The following PPM1L variants were observed in gnomAD, a reference collection of about 807,000 sequenced individuals.
PPM1L encodes protein phosphatase 1L.
PPM1L carries 13 observed loss-of-function variants against 31.4 expected under a neutral mutation model. The observed-to-expected ratio is 0.41, with a 90% CI of 0.27 to 0.66. PPM1L has a LOEUF of 0.66. Among genes scored for constraint, PPM1L ranks in the 30% least tolerant of loss-of-function variants. The pLI is 0.29. For synonymous variants in PPM1L, 184 were observed against 175.4 expected (o/e 1.05, Z -0.39); for missense variants, 326 against 453.7 (o/e 0.72, Z 2.56).
At position 160,809,168 on chromosome 3, in the gene PPM1L, A is replaced by AT. The variant is rs894669699; in HGVS notation, c.399+52470dup. On this transcript the variant is annotated intron_variant, in intron 1 of 3. Transcript: ENST00000498165. ...TTCTGATCTAATTCTGGCAAAATATATTTTTTTTTCTTGAATTGCTTAGAT... is the reference window on the plus strand; with the variant it reads ...TTCTGATCTAATTCTGGCAAAATATATTTTTTTTTTCTTGAATTGCTTAGAT... Among the ~76,000 whole-genome samples the AT allele has an allele frequency of 1.7e-3, 251 of 151,388 alleles. 1 individual carries two copies. The highest frequency in any genetic ancestry group is 5.6e-3 in the African/African-American group (231 of 41,266).
chr3:160,909,230 A>G (rs1185861130), intron 1 of PPM1L, among the ~76,000 whole-genome samples: 2 of 152,180 alleles, frequency 1.3e-5, no homozygotes, highest in African/African-American at 2.4e-5. Flanking sequence ...AGGAATGAGG[A>G]GGAATTTGCA....
Position 161,071,781 on chromosome 3 carries a change from C to A in PPM1L, c.*2624C>A, listed in dbSNP as rs1477117879. The A allele has an allele frequency of 6.6e-6, 1 of 152,168 alleles. No individual in the cohort carries two copies. The highest frequency in any genetic ancestry group is 6.5e-5 in the Admixed American group (1 of 15,274). 9.4% of individuals were successfully genotyped at this position (152,168 alleles called of 1,614,324 possible). On this transcript the variant is annotated 3_prime_UTR_variant, in exon 4 of 4. Coordinates refer to ENST00000498165, the MANE Select transcript of PPM1L (RefSeq NM_139245.4). ...TGTGCAGACATCACTCCTGGGGGTG[C>A]CCTATGGTACACTGGCTGCTCCCCA...
chr3:161,074,657 T>C lies in PPM1L; in HGVS notation c.*5500T>C, dbSNP rs960748199. 3.3e-5 allele frequency: 5 copies of C among 152,304 alleles called. No homozygotes were observed. Among genetic ancestry groups the C allele is most frequent in the African/African-American group, 7.2e-5 (3 of 41,546 alleles). 9.4% of individuals were successfully genotyped at this position (152,304 alleles called of 1,614,324 possible). A position where few individuals can be genotyped will look rare whatever the true frequency, so the allele number is the denominator to read the frequency against. On this transcript the variant is annotated 3_prime_UTR_variant, in exon 4 of 4. Coordinates refer to ENST00000498165, the MANE Select transcript of PPM1L (RefSeq NM_139245.4). ...CTTAGTAATGTTAATGCTTTGTCTA[T>C]TTGTTATTTTTACCACTGTTGAACA...
At chr3:160,944,852 A>T (rs1559897138) in intron 1 of PPM1L, among the ~76,000 whole-genome samples, 4 of 40,222 alleles carry the variant, frequency 9.9e-5, no homozygotes, top group African/African-American at 2.8e-4. Context: ...TATATATAAC[A>T]TATATTATAT....
At chr3:160,909,380 G>A (rs1412434921) in intron 1 of PPM1L, among the ~76,000 whole-genome samples, 1 of 152,130 alleles carries the variant, frequency 6.6e-6, no homozygotes, top group African/African-American at 2.4e-5. Context: ...AGGTGAAGCT[G>A]TTACCTAAGA....
At chr3:161,000,551 G>A (rs182915736) in intron 2 of PPM1L, among the ~76,000 whole-genome samples, 11 of 152,278 alleles carry the variant, frequency 7.2e-5, no homozygotes, top group Admixed American at 6.5e-4. Context: ...AAAAAACAGG[G>A]AGAGAAGGCT....
At chr3:160,934,538 A>G (rs891966558) in intron 1 of PPM1L, among the ~76,000 whole-genome samples, 1 of 152,214 alleles carries the variant, frequency 6.6e-6, no homozygotes, top group Non-Finnish European at 1.5e-5. Context: ...TTCACTCCAA[A>G]AGAACAACTA....
intron 1 of PPM1L, among the ~76,000 whole-genome samples, chr3:160,888,916 T>G (rs1164769583): frequency 6.6e-6 from 1 of 151,532 alleles, no homozygotes; most frequent in African/African-American, 2.4e-5. Flanking sequence ...AAGTTCTAAA[T>G]GAAGAAGAAA....
chr3:160,768,420 T>G (rs1241676389), intron 1 of PPM1L, among the ~76,000 whole-genome samples: 2 of 152,160 alleles, frequency 1.3e-5, no homozygotes, highest in Non-Finnish European at 1.5e-5. Context: ...CAGAGAGAGA[T>G]AAAGATTAGA....
rs200392486 is a variant in PPM1L, at chr3:160,989,408, A to AT, written c.574+27512dup. ...TTATTATTTATTATTATTTAAAACA[A>AT]TTTTTTTTTTTTTTGAGCAGAGTTT... On this transcript the variant is annotated intron_variant, in intron 2 of 3. Coordinates refer to ENST00000498165, the MANE Select transcript of PPM1L (RefSeq NM_139245.4). Among the ~76,000 whole-genome samples, 1,209 of 145,528 alleles carry AT rather than the reference A, an allele frequency of 8.3e-3. 14 individuals are homozygous for AT. Among genetic ancestry groups the AT allele is most frequent in the African/African-American group, 0.021 (844 of 39,870 alleles).
At chr3:160,805,070 C>T (rs1257485905) in intron 1 of PPM1L, among the ~76,000 whole-genome samples, 1 of 152,184 alleles carries the variant, frequency 6.6e-6, no homozygotes, top group African/African-American at 2.4e-5. Flanking sequence ...TGGCTATGTT[C>T]CCAGCCTACA....
At chr3:160,882,050 C>CAAA (rs35341382) in intron 1 of PPM1L, among the ~76,000 whole-genome samples, 6 of 125,942 alleles carry the variant, frequency 4.8e-5, no homozygotes, top group African/African-American at 1.5e-4. Context: ...GACTCTGTCT[C>CAAA]AAAAAAAAAA....
chr3:160,861,951 C>T (rs191946188), intron 1 of PPM1L, among the ~76,000 whole-genome samples: 12 of 152,272 alleles, frequency 7.9e-5, no homozygotes, highest in Non-Finnish European at 8.8e-5. Context: ...CCTCTGTGCC[C>T]ACCTAATACA....
chr3:160,902,184 A>G (rs185750916), intron 1 of PPM1L, among the ~76,000 whole-genome samples: 2 of 152,194 alleles, frequency 1.3e-5, no homozygotes, highest in Admixed American at 1.3e-4. Flanking sequence ...GTTTTAATTT[A>G]TTGAGTCTGA....
intron 2 of PPM1L, among the ~76,000 whole-genome samples, chr3:161,045,088 T>C (rs886712431): frequency 1.3e-5 from 2 of 152,202 alleles, no homozygotes; most frequent in African/African-American, 4.8e-5. Flanking sequence ...TAAATATATA[T>C]GCACTCAATA....
chr3:160,939,304 T>C (rs1715081077), intron 1 of PPM1L, among the ~76,000 whole-genome samples: 1 of 152,134 alleles, frequency 6.6e-6, no homozygotes, highest in African/African-American at 2.4e-5. Flanking sequence ...AAACCCCAAA[T>C]ATCCATGTTT....
At chr3:160,981,732 TTTTATTTATTTA>T (rs571936460) in intron 2 of PPM1L, among the ~76,000 whole-genome samples, 100 of 139,900 alleles carry the variant, frequency 7.1e-4, no homozygotes, top group East Asian at 2.8e-3. Context: ...TTCCTTCTCA[TTTTATTTATTTA>T]TTTATTTATT....
At chr3:161,060,232 GGTCA>G (rs1298389655) in intron 2 of PPM1L, among the ~76,000 whole-genome samples, 1 of 146,860 alleles carries the variant, frequency 6.8e-6, no homozygotes, top group South Asian at 2.2e-4. Context: ...TCTTCATATG[GGTCA>G]GTCAACCAAT....
rs180871718 is a variant in PPM1L, at chr3:160,910,398, C to T, written c.400-51338C>T. Among the ~76,000 whole-genome samples, 685 of 151,490 alleles carry T rather than the reference C, an allele frequency of 4.5e-3. 5 individuals carry two copies. Among genetic ancestry groups the T allele is most frequent in the African/African-American group, 0.015 (623 of 41,250 alleles). ...CACAATCTTGGCTCACTGCAACCTC[C>T]GCCTCCCAGGTTCCGGTGATTGTCA... On this transcript the variant is annotated intron_variant, in intron 1 of 3. Coordinates refer to ENST00000498165, the MANE Select transcript of PPM1L (RefSeq NM_139245.4).
Sources: allele counts gnomAD v4.1 joint callset (sites outside exome capture counted in the v4.1 genomes callset), GRCh38; gene constraint gnomAD v4.1.1; transcripts MANE v1.5; gene names NCBI Gene and HGNC (gene_info 2026-07-23, HGNC 2026-07-21).